The following SHISA9 variants were observed in gnomAD, a reference collection of about 807,000 sequenced individuals.
SHISA9 encodes the protein protein shisa-9.
A neutral mutation model predicts 38.0 loss-of-function variants in SHISA9; 13 were observed. That is an observed-to-expected ratio of 0.34 (90% confidence interval 0.22 to 0.54). SHISA9 has a LOEUF of 0.54. SHISA9 is among the 20% of genes least tolerant of loss of function. The pLI, the probability that SHISA9 is intolerant of heterozygous loss-of-function variation, is 0.91. For missense variants in SHISA9, 538 were observed against 575.8 expected (o/e 0.93, Z 0.67); for synonymous variants, 275 against 242.0 (o/e 1.14, Z -1.27).
At chr16:12,952,697 C>G (rs552239484) in intron 2 of SHISA9, among the ~76,000 whole-genome samples, 1 of 152,306 alleles carries the variant, frequency 6.6e-6, no homozygotes, top group Admixed American at 6.5e-5. Flanking sequence ...TTCACTCTTT[C>G]TCCCTTCTTC....
the SHISA9 span, among the ~76,000 whole-genome samples, chr16:13,473,653 A>G: frequency 1.1e-4 from 17 of 152,260 alleles, 1 homozygote; most frequent in Admixed American, 9.8e-4. Context: ...TCCAGAAGAT[A>G]CTGCCAATTG....
the SHISA9 span, among the ~76,000 whole-genome samples, chr16:13,253,813 C>T: frequency 6.6e-6 from 1 of 152,118 alleles, no homozygotes; most frequent in East Asian, 1.9e-4. Flanking sequence ...TATGAAACGT[C>T]CCCATAAGGT....
the SHISA9 span, among the ~76,000 whole-genome samples, chr16:13,446,887 C>G: frequency 6.6e-6 from 1 of 151,086 alleles, no homozygotes; most frequent in South Asian, 2.1e-4. Flanking sequence ...GGCTGAGGAA[C>G]GAGAATCGCT....
intron 2 of SHISA9, among the ~76,000 whole-genome samples, chr16:12,938,501 T>C (rs548770028): frequency 6.6e-6 from 1 of 152,006 alleles, no homozygotes; most frequent in East Asian, 1.9e-4. Context: ...TCTCTCTCTC[T>C]CTCTTTTTTT....
chr16:13,400,363 A>AACAC, the SHISA9 span, among the ~76,000 whole-genome samples: 57 of 150,920 alleles, frequency 3.8e-4, 1 homozygote, highest in African/African-American at 6.8e-4. Context: ...CCTCTGTTCC[A>AACAC]ACACACACAC....
At chr16:13,428,321 C>A in the SHISA9 span, among the ~76,000 whole-genome samples, 28 of 152,096 alleles carry the variant, frequency 1.8e-4, no homozygotes, top group Non-Finnish European at 3.4e-4. Flanking sequence ...GAAATTCATT[C>A]AAAAACATTG....
At chr16:13,233,169 G>T (rs916344785) in intron 4 of SHISA9, among the ~76,000 whole-genome samples, 4 of 152,168 alleles carry the variant, frequency 2.6e-5, no homozygotes, top group African/African-American at 9.6e-5. Flanking sequence ...AGAATTTATG[G>T]TTTGTAGGAT....
chr16:13,427,327 CAGCTAGATG>C, the SHISA9 span, among the ~76,000 whole-genome samples: 1 of 152,190 alleles, frequency 6.6e-6, no homozygotes, highest in Non-Finnish European at 1.5e-5. Context: ...CAAGGTTATG[CAGCTAGATG>C]AATGGTTGAG....
At position 12,994,862 on chromosome 16, in the gene SHISA9, G is replaced by T. The variant is rs975465910; in HGVS notation, c.691+78047G>T. On this transcript the variant is annotated intron_variant, in intron 2 of 4. Coordinates refer to ENST00000558583, the MANE Select transcript of SHISA9 (RefSeq NM_001145204.3). ...CATTTACTATGATTAAGAAGACCAA[G>T]AATTCAGTTTTAGTCTTGTCAATCT... 4.6e-5 allele frequency among the ~76,000 whole-genome samples: 7 copies of T among 152,130 alleles called. 1 individual carries two copies. Among genetic ancestry groups the T allele is most frequent in the African/African-American group, 1.7e-4 (7 of 41,428 alleles).
chr16:13,206,430 A>G (rs2051064784), intron 3 of SHISA9, among the ~76,000 whole-genome samples: 1 of 152,222 alleles, frequency 6.6e-6, no homozygotes, highest in African/African-American at 2.4e-5. Flanking sequence ...AACTAACACC[A>G]GAACCCAAAG....
intron 2 of SHISA9, among the ~76,000 whole-genome samples, chr16:13,198,754 T>C (rs1445763274): frequency 6.6e-6 from 1 of 152,268 alleles, no homozygotes; most frequent in East Asian, 1.9e-4. Flanking sequence ...AACTGGATTT[T>C]AATATTTCTG....
chr16:13,516,282 A>C, the SHISA9 span, among the ~76,000 whole-genome samples: 115 of 152,322 alleles, frequency 7.5e-4, no homozygotes, highest in African/African-American at 2.6e-3. Context: ...CTTCATCAAC[A>C]AATACGAGGT....
At chr16:13,141,868 A>G (rs1363755381) in intron 2 of SHISA9, among the ~76,000 whole-genome samples, 2 of 152,164 alleles carry the variant, frequency 1.3e-5, no homozygotes, top group Admixed American at 1.3e-4. Flanking sequence ...TACTAACATA[A>G]TGGCTAATCA....
chr16:13,160,609 A>C (rs1171622039), intron 2 of SHISA9, among the ~76,000 whole-genome samples: 1 of 152,172 alleles, frequency 6.6e-6, no homozygotes, highest in Non-Finnish European at 1.5e-5. Flanking sequence ...GGAAGTGCAA[A>C]CCTAAGTATG....
intron 2 of SHISA9, among the ~76,000 whole-genome samples, chr16:13,048,215 A>G (rs965173193): frequency 2.6e-5 from 4 of 152,236 alleles, no homozygotes; most frequent in African/African-American, 9.6e-5. Flanking sequence ...GATAAATGGC[A>G]TATCTCAAAG....
intron 2 of SHISA9, among the ~76,000 whole-genome samples, chr16:13,183,715 G>A (rs890362651): frequency 2.6e-5 from 4 of 152,160 alleles, no homozygotes; most frequent in Non-Finnish European, 5.9e-5. Flanking sequence ...TTTCAGGTAT[G>A]CAATGTACTC....
chr16:13,462,176 T>C, the SHISA9 span, among the ~76,000 whole-genome samples: 3 of 151,192 alleles, frequency 2.0e-5, no homozygotes, highest in African/African-American at 7.3e-5. Flanking sequence ...GAGCCTGAGG[T>C]GGGAGGATTA....
chr16:13,525,160 G>A, the SHISA9 span, among the ~76,000 whole-genome samples: 1 of 152,162 alleles, frequency 6.6e-6, no homozygotes, highest in East Asian at 1.9e-4. Flanking sequence ...TGCATTTCTA[G>A]TAAGTTTCAT....
chr16:12,965,315 C>G (rs186366143), intron 2 of SHISA9, among the ~76,000 whole-genome samples: 78 of 152,260 alleles, frequency 5.1e-4, no homozygotes, highest in African/African-American at 1.7e-3. Flanking sequence ...CTTATATTCA[C>G]AAAATTGTTC....
Sources: gnomAD v4.1 joint callset for allele counts (sites outside exome capture counted in the v4.1 genomes callset) on GRCh38, gnomAD v4.1.1 for gene constraint, MANE v1.5 for transcripts, NCBI Gene and HGNC (gene_info 2026-07-23, HGNC 2026-07-21) for gene names.